The following EOMES variants were observed in gnomAD, a reference collection of about 807,000 sequenced individuals.
The protein encoded by EOMES is eomesodermin homolog.
Under a neutral mutation model 61.0 loss-of-function variants are expected in EOMES, and 18 were observed. That is an observed-to-expected ratio of 0.30 (90% CI 0.20 to 0.44). The LOEUF is 0.44. Ranked by LOEUF, EOMES falls within the 20% of genes least tolerant of loss-of-function variation. The probability of loss-of-function intolerance (pLI) is 1.00; values close to 1 mark genes in which losing one functional copy is unlikely to be tolerated. For missense variants in EOMES, 885 were observed against 939.2 expected (o/e 0.94, Z 0.75); for synonymous variants, 430 against 394.0 (o/e 1.09, Z -1.08).
chr3:27,721,289 G>T lies in EOMES; in HGVS notation c.881+125C>A, dbSNP rs2060610748. On this transcript the variant is annotated intron_variant, in intron 1 of 5. Coordinates refer to ENST00000449599, the MANE Select transcript of EOMES (RefSeq NM_001278182.2). This position sits in a 1 kb window ranked among gnomAD's most constrained non-coding sequence, Gnocchi z 7.4. ...TGCGGTGTCTACGGAGATTTATTGC[G>T]CGCGGTGAAACACTCTAAGCACCGC... is the stretch of plus-strand genomic sequence containing the variant. 1 of 707,676 alleles carries T rather than the reference G, an allele frequency of 1.4e-6. No individual in the cohort carries two copies. The highest frequency in any genetic ancestry group is 2.7e-5 in the Admixed American group (1 of 36,822). 43.8% of individuals were successfully genotyped at this position (707,676 alleles called of 1,614,324 possible). A position where few individuals can be genotyped will look rare whatever the true frequency, so the allele number is the denominator to read the frequency against.
At position 27,717,130 on chromosome 3, in the gene EOMES, C is replaced by G. The variant is rs1386982340; in HGVS notation, c.2058G>C (p.Glu686Asp). Residue 686 changes from glutamate (E) to aspartate (D), a missense_variant, in exon 6 of 6, where the codon GAG becomes GAC. Physicochemically the swap from Glu to Asp is conservative, Grantham distance 45. Transcript: ENST00000449599. This position sits in a 1 kb window ranked among gnomAD's most constrained non-coding sequence, Gnocchi z 4.5. ...TGCCTTTTGAGGTGTCTTTACTATA[C>G]TCTTCAGCATTAATGTCCTCACACT... ...SIKCEDINAE[E>D]YSKDTSKGMG... 2.5e-6 allele frequency: 4 copies of G among 1,612,184 alleles called. No individual in the cohort carries two copies. In the African/African-American group the frequency reaches 5.3e-5, roughly 22 times the overall value.
intron 1 of EOMES, among the ~76,000 whole-genome samples, chr3:27,720,963 G>C (rs1462573747): frequency 6.6e-6 from 1 of 152,108 alleles, no homozygotes; most frequent in African/African-American, 2.4e-5. Flanking sequence ...CCACCTCCCG[G>C]AGACGCCCCG....
At position 27,721,126 on chromosome 3, in the gene EOMES, A is replaced by C. The variant is rs1215102016; in HGVS notation, c.881+288T>G. Among the ~76,000 whole-genome samples the C allele has an allele frequency of 6.6e-6, 1 of 152,172 alleles. No homozygotes were observed. ...GATCTAACGAATCCAGCTTGTGGAC[A>C]TGCCCTAATTTCCATTTCCGCCTCC... On this transcript the variant is annotated intron_variant, in intron 1 of 5. Coordinates refer to ENST00000449599, the MANE Select transcript of EOMES (RefSeq NM_001278182.2). The surrounding 1 kb of genome is among the most constrained non-coding windows in gnomAD (Gnocchi z 7.4).
rs769357022 is a variant in EOMES at position 27,717,849 on chromosome 3, C to T, written c.1380-41G>A. ...AAACACTTAAAAAAAAAAAAAAACC[C>T]TAATGTTGTCCCCAAACAAACCACC... On this transcript the variant is annotated intron_variant, in intron 5 of 5. Coordinates refer to ENST00000449599, the MANE Select transcript of EOMES (RefSeq NM_001278182.2). This position sits in a 1 kb window ranked among gnomAD's most constrained non-coding sequence, Gnocchi z 4.5. 3.3e-6 allele frequency: 4 copies of T among 1,223,156 alleles called. No individual in the cohort carries two copies. The highest frequency in any genetic ancestry group is 3.2e-5 in the African/African-American group (2 of 62,430). The allele number at this position is 1,223,156 out of a possible 1,614,324, so 75.8% of individuals were successfully genotyped here. A position where few individuals can be genotyped will look rare whatever the true frequency, so the allele number is the denominator to read the frequency against.
intron 2 of EOMES, 61 bp downstream of exon 2, chr3:27,720,110 G>A (rs1460033088): frequency 6.8e-7 from 1 of 1,461,544 alleles, no homozygotes; most frequent in African/African-American, 1.4e-5. Flanking sequence ...AGTTGTGTGA[G>A]TCGAGGGTTA....
In EOMES at chr3:27,721,926, GGCGGCGGCGGCTGCA is replaced by G. The variant is rs777277189; in HGVS notation, c.354_368del (p.Ala126_Ala130del). 40 of 1,364,382 alleles carry G rather than the reference GGCGGCGGCGGCTGCA, an allele frequency of 2.9e-5. 1 individual carries two copies. In the East Asian group the frequency reaches 1.2e-3, roughly 42 times the overall value. 84.5% of individuals were successfully genotyped at this position (1,364,382 alleles called of 1,614,324 possible). ...CAGTGGCCGCAGCCGCGGCGGCGGC[GGCGGCGGCGGCTGCA>G]GCGGCGGAGGGCAGCTCCTCCTCCC... On this transcript the variant is annotated inframe_deletion, in exon 1 of 6. Coordinates refer to ENST00000449599, the MANE Select transcript of EOMES (RefSeq NM_001278182.2). The surrounding 1 kb of genome is among the most constrained non-coding windows in gnomAD (Gnocchi z 7.4).
chr3:27,717,848 C>T lies in EOMES; in HGVS notation c.1380-40G>A. The T allele has an allele frequency of 2.7e-6, 3 of 1,105,598 alleles. No individual in the cohort carries two copies. Among genetic ancestry groups the T allele is most frequent in the Non-Finnish European group, 3.7e-6 (3 of 809,768 alleles). The allele number at this position is 1,105,598 out of a possible 1,614,324, so 68.5% of individuals were successfully genotyped here. A position where few individuals can be genotyped will look rare whatever the true frequency, so the allele number is the denominator to read the frequency against. On this transcript the variant is annotated intron_variant, in intron 5 of 5. Transcript: ENST00000449599. The surrounding 1 kb of genome is among the most constrained non-coding windows in gnomAD (Gnocchi z 4.5). ...GAAACACTTAAAAAAAAAAAAAAAC[C>T]CTAATGTTGTCCCCAAACAAACCAC...
In EOMES at chr3:27,722,137, T is replaced by C. The variant is rs776452328; in HGVS notation, c.158A>G (p.Lys53Arg). 23 of 1,560,346 alleles carry C rather than the reference T, an allele frequency of 1.5e-5. No individual in the cohort carries two copies. The highest frequency in any genetic ancestry group is 9.5e-5 in the African/African-American group (7 of 73,804). Residue 53 changes from lysine to arginine, a missense_variant, in exon 1 of 6, where the codon AAG becomes AGG. Around this residue, in one of 3 missense-constraint regions of EOMES, gnomAD observed 449 missense variants for 383.6 expected, o/e 1.17. Transcript: ENST00000449599. Reference protein sequence around the residue: ...PQKLDLDKASKKFSGSLSCEA... With the variant: ...PQKLDLDKASRKFSGSLSCEA... ...GCAGGAGAGACTGCCGGAAAACTTCTTGGACGCTTTGTCTAAGTCCAACTT... is the reference window on the plus strand; with the variant it reads ...GCAGGAGAGACTGCCGGAAAACTTCCTGGACGCTTTGTCTAAGTCCAACTT...
Position 27,717,535 on chromosome 3 carries a change from G to A in EOMES, c.1653C>T (p.Asp551=). 1 of 1,614,194 alleles carries A rather than the reference G, an allele frequency of 6.2e-7. No homozygotes were observed. Among genetic ancestry groups the A allele is most frequent in the South Asian group, 1.1e-5 (1 of 91,084 alleles). ...TATATTCAGATTCATAGGAACTGAT[G>A]TCTAGTTTGTTGGTCCCAGGTTGCT... The part of the protein sequence containing the change: ...PVQQPGTNKL[D]ISSYESEYTS... The change falls in exon 6 of 6, where the codon GAC becomes GAT. Residue 551 remains aspartate (D), a synonymous_variant. Coordinates refer to ENST00000449599, the MANE Select transcript of EOMES (RefSeq NM_001278182.2). This position sits in a 1 kb window ranked among gnomAD's most constrained non-coding sequence, Gnocchi z 4.5.
chr3:27,722,288 A>T lies in EOMES; in HGVS notation c.7T>A (p.Leu3Ile). 6.3e-7 allele frequency: 1 copy of T among 1,575,396 alleles called. No homozygotes were observed. Among genetic ancestry groups the T allele is most frequent in the South Asian group, 1.1e-5 (1 of 88,140 alleles). MQ[L>I]GEQLLVSSVN... The stretch of plus-strand genomic sequence containing the variant: ...GAGCTCACCAAGAGCTGCTCCCCTA[A>T]CTGCATGCTTTGCAAAGCGCAGACG... Residue 3 changes from leucine to isoleucine, a missense_variant, in exon 1 of 6, where the codon TTA (leucine) becomes ATA (isoleucine). Physicochemically the swap from Leu to Ile is conservative, Grantham distance 5 (BLOSUM62 2). Coordinates refer to ENST00000449599, the MANE Select transcript of EOMES (RefSeq NM_001278182.2).
Position 27,721,956 on chromosome 3 carries a change from C to T in EOMES, c.339G>A (p.Glu113=), listed in dbSNP as rs546902544. 2.1e-4 allele frequency: 302 copies of T among 1,419,972 alleles called. 1 individual carries two copies. The African/African-American group carries it at 4.4e-3, about 20-fold the overall frequency. The allele number at this position is 1,419,972 out of a possible 1,614,324, so 88.0% of individuals were successfully genotyped here. ...CGGCGGCTGCAGCGGCGGAGGGCAG[C>T]TCCTCCTCCCCGCAGGGGGAGCCCT... ...GRKGSPCGEE[E]LPSAAAAAAA... is the part of the protein sequence containing the mutation. The change falls in exon 1 of 6, where the codon GAG becomes GAA. Residue 113 remains glutamate (E), a synonymous_variant. Coordinates refer to ENST00000449599, the MANE Select transcript of EOMES (RefSeq NM_001278182.2). The surrounding 1 kb of genome is among the most constrained non-coding windows in gnomAD (Gnocchi z 7.4).
rs748279286 is a variant in EOMES, at chr3:27,717,384, T to A, written c.1804A>T (p.Arg602Trp). ...AGWGGRGSYQ[R>W]KMAAGLPWTS... ...CATGGTAGTCCAGCTGCCATCTTCC[T>A]CTGGTAAGAACCTCGACCTCCCCAC... The change falls in exon 6 of 6, where the codon AGG (arginine) becomes TGG (tryptophan). Residue 602 changes from arginine (R) to tryptophan (W), a missense_variant. This residue lies in a region of EOMES where 259 missense variants were observed against 282.3 expected (regional missense o/e 0.92). Coordinates refer to ENST00000449599, the MANE Select transcript of EOMES (RefSeq NM_001278182.2). The surrounding 1 kb of genome is among the most constrained non-coding windows in gnomAD (Gnocchi z 4.5). The A allele has an allele frequency of 2.5e-6, 4 of 1,614,190 alleles. No individual in the cohort carries two copies. Among genetic ancestry groups the A allele is most frequent in the Non-Finnish European group, 2.5e-6 (3 of 1,180,032 alleles).
In EOMES at chr3:27,720,259, G is replaced by A. The variant is rs1229817471; in HGVS notation, c.948C>T (p.Phe316=). ...TGGGGTCCGCCAGCACCACCTCTACGAACACATTGTAGTGGGCAGTGGGAT... is the reference window on the plus strand; with the variant it reads ...TGGGGTCCGCCAGCACCACCTCTACAAACACATTGTAGTGGGCAGTGGGAT... ...GLNPTAHYNV[F]VEVVLADPNH... The change falls in exon 2 of 6, where the codon TTC becomes TTT. Residue 316 remains phenylalanine, a synonymous_variant. Transcript: ENST00000449599. The A allele has an allele frequency of 6.2e-7, 1 of 1,613,366 alleles. No homozygotes were observed. Among genetic ancestry groups the A allele is most frequent in the East Asian group, 2.2e-5 (1 of 44,848 alleles).
At position 27,721,833 on chromosome 3, in the gene EOMES, C is replaced by A; in HGVS notation, c.462G>T (p.Ser154=). The part of the protein sequence containing the change: ...YYLQSPGPQG[S]ELAAPCSLFP... The stretch of plus-strand genomic sequence containing the variant: ...AGAGTGAGCAGGGCGCAGCCAGCTC[C>A]GACCCCTGAGGACCGGGGGACTGGA... The change falls in exon 1 of 6, where the codon TCG becomes TCT. Residue 154 remains serine, a synonymous_variant. Transcript: ENST00000449599. The surrounding 1 kb of genome is among the most constrained non-coding windows in gnomAD (Gnocchi z 7.4). The A allele has an allele frequency of 2.0e-6, 3 of 1,520,176 alleles. No homozygotes were observed. The highest frequency in any genetic ancestry group is 5.4e-5 in the East Asian group (2 of 37,346). The allele number at this position is 1,520,176 out of a possible 1,614,324, so 94.2% of individuals were successfully genotyped here. A position where few individuals can be genotyped will look rare whatever the true frequency, so the allele number is the denominator to read the frequency against.
Position 27,719,367 on chromosome 3 carries a change from T to G in EOMES, c.1151A>C (p.Asn384Thr), listed in dbSNP as rs150282843. ...LTNNKGANNNNTQMIVLQSLH... is the reference protein window; with the variant it reads ...LTNNKGANNNTTQMIVLQSLH... ...CCTGCTCTGTCACTCTACCTGGGTGTTGTTGTTATTTGCGCCTTTGTTATT... is the reference window on the plus strand; with the variant it reads ...CCTGCTCTGTCACTCTACCTGGGTGGTGTTGTTATTTGCGCCTTTGTTATT... The change falls in exon 3 of 6, where the codon AAC becomes ACC. Residue 384 changes from asparagine to threonine, a missense_variant. Transcript: ENST00000449599. 58 of 1,613,948 alleles carry G rather than the reference T, an allele frequency of 3.6e-5. No homozygotes were observed. Among genetic ancestry groups the G allele is most frequent in the Middle Eastern group, 1.6e-4 (1 of 6,084 alleles).
chr3:27,720,493 T>G (rs539585353), intron 1 of EOMES, among the ~76,000 whole-genome samples, 168 bp from the exon 2 acceptor site: 24 of 136,986 alleles, frequency 1.8e-4, no homozygotes, highest in African/African-American at 6.7e-4. Flanking sequence ...ATGTAAAATA[T>G]TTTTGAGTTG....
At position 27,721,661 on chromosome 3, in the gene EOMES, C is replaced by A; in HGVS notation, c.634G>T (p.Ala212Ser). ...PPGRAQFGPG[A>S]GAGSGAGGSS... ...CCGCCCGCGCCACTGCCCGCACCGG[C>A]TCCTGGGCCGAACTGCGCCCTCCCG... is the stretch of plus-strand genomic sequence containing the variant. The change falls in exon 1 of 6, where the codon GCC becomes TCC. Residue 212 changes from alanine (A) to serine (S), a missense_variant. Ala to Ser is a moderately conservative substitution (Grantham distance 99, BLOSUM62 1). This residue lies in a region of EOMES where 449 missense variants were observed against 383.6 expected (regional missense o/e 1.17). Transcript: ENST00000449599. The surrounding 1 kb of genome is among the most constrained non-coding windows in gnomAD (Gnocchi z 7.4). 1 of 1,537,972 alleles carries A rather than the reference C, an allele frequency of 6.5e-7. No homozygotes were observed. The highest frequency in any genetic ancestry group is 8.7e-7 in the Non-Finnish European group (1 of 1,145,300).
At position 27,718,633 on chromosome 3, in the gene EOMES, T is replaced by C; in HGVS notation, c.1333A>G (p.Ile445Val). The change falls in exon 5 of 6, where the codon ATT becomes GTT. Residue 445 changes from isoleucine (I) to valine (V), a missense_variant. This residue lies in a region of EOMES where 177 missense variants were observed against 273.3 expected (regional missense o/e 0.65). Transcript: ENST00000449599. The stretch of plus-strand genomic sequence containing the variant: ...CCTTTTGCAAAGGGGTTATGATCAA[T>C]CTTTAGTTGAGTAATCTAGATAGGG... ...YQNTDITQLK[I>V]DHNPFAKGFR... 1 of 1,613,870 alleles carries C rather than the reference T, an allele frequency of 6.2e-7. No homozygotes were observed.
At position 27,720,199 on chromosome 3, in the gene EOMES, G is replaced by A; in HGVS notation, c.1008C>T (p.Thr336=). 6.2e-7 allele frequency: 1 copy of A among 1,604,624 alleles called. No homozygotes were observed. Among genetic ancestry groups the A allele is most frequent in the South Asian group, 1.1e-5 (1 of 89,910 alleles). Residue 336 remains threonine, a synonymous_variant, in exon 2 of 6, where the codon ACC becomes ACT. Transcript: ENST00000449599. ...HWRFQGGKWV[T]CGKADNNMQG... ...GCATGTTATTGTCGGCTTTGCCACA[G>A]GTCACCCATTTGCCCCCCTGGAAGC...
Sources: gnomAD v4.1 joint callset for allele counts (sites outside exome capture counted in the v4.1 genomes callset) on GRCh38, gnomAD v4.1.1 for gene constraint, gnomAD v4.1.1 regional missense constraint, Gnocchi (gnomAD v3.1) non-coding constraint, MANE v1.5 for transcripts, NCBI Gene and HGNC (gene_info 2026-07-23, HGNC 2026-07-21) for gene names.